Variants in RALYL observed in about 807,000 individuals in gnomAD.
RALYL encodes RALY RNA binding protein like.
RALYL carries 29 observed loss-of-function variants against 35.1 expected under a neutral mutation model. The ratio of observed to expected loss-of-function variants is 0.83; its 90% CI spans 0.61 to 1.13. The LOEUF is 1.13. Ranked by LOEUF, RALYL falls within the 50% of genes most tolerant of loss-of-function variation. RALYL has a pLI of 0.00. For missense variants in RALYL, 359 were observed against 360.4 expected (o/e 1.00, Z 0.03); for synonymous variants, 120 against 127.6 (o/e 0.94, Z 0.40).
At chr8:84,400,357 A>G (rs563294398) in intron 1 of RALYL, among the ~76,000 whole-genome samples, 1 of 152,306 alleles carries the variant, frequency 6.6e-6, no homozygotes, top group African/African-American at 2.4e-5. Context: ...TGTAATGTCA[A>G]CACTCAAAAA....
intron 2 of RALYL, among the ~76,000 whole-genome samples, chr8:84,682,819 G>T (rs28765979): frequency 0.052 from 7,901 of 150,928 alleles, 457 homozygotes; most frequent in African/African-American, 0.14. Context: ...TTTTTGATGG[G>T]TTTTTTTTTG....
chr8:84,194,533 A>G (rs1416209837), intron 1 of RALYL, among the ~76,000 whole-genome samples: 7 of 152,206 alleles, frequency 4.6e-5, no homozygotes, highest in African/African-American at 1.7e-4. Context: ...TCTTTTCAAA[A>G]CCAAGGAAAT....
At chr8:84,801,219 G>T (rs1404525682) in intron 3 of RALYL, among the ~76,000 whole-genome samples, 3 of 152,120 alleles carry the variant, frequency 2.0e-5, no homozygotes, top group African/African-American at 7.2e-5. Context: ...AAGATTTCCT[G>T]CCCTATTATT....
chr8:84,879,191 T>G (rs1841746500), intron 7 of RALYL, among the ~76,000 whole-genome samples: 1 of 152,016 alleles, frequency 6.6e-6, no homozygotes, highest in South Asian at 2.1e-4. Flanking sequence ...GCTCAAAAGC[T>G]CTGGGATAGA....
intron 4 of RALYL, among the ~76,000 whole-genome samples, chr8:84,820,529 T>G (rs1273199592): frequency 1.3e-5 from 2 of 152,162 alleles, no homozygotes; most frequent in African/African-American, 4.8e-5. Context: ...AATTTAGTTT[T>G]GTTTTGTCTT....
At chr8:84,734,845 C>T (rs376998853) in intron 2 of RALYL, among the ~76,000 whole-genome samples, 2 of 151,818 alleles carry the variant, frequency 1.3e-5, no homozygotes, top group East Asian at 3.9e-4. Flanking sequence ...ACCAAAGTAC[C>T]TAGGAATAAA....
intron 1 of RALYL, among the ~76,000 whole-genome samples, chr8:84,297,580 G>A (rs1191435522): frequency 6.6e-6 from 1 of 152,130 alleles, no homozygotes; most frequent in African/African-American, 2.4e-5. Flanking sequence ...CCAATAATGG[G>A]ATTGATAGGT....
chr8:84,715,749 G>A (rs185117809), intron 2 of RALYL, among the ~76,000 whole-genome samples: 117 of 151,980 alleles, frequency 7.7e-4, no homozygotes, highest in Non-Finnish European at 1.3e-3. Flanking sequence ...ATAACCTTTT[G>A]ATTCATTTTC....
chr8:84,291,448 A>G (rs1363114502), intron 1 of RALYL, among the ~76,000 whole-genome samples: 1 of 152,198 alleles, frequency 6.6e-6, no homozygotes, highest in African/African-American at 2.4e-5. Flanking sequence ...AATTCTTTGT[A>G]CAATATATGT....
chr8:84,260,352 C>A (rs1267975309), intron 1 of RALYL, among the ~76,000 whole-genome samples: 1 of 152,056 alleles, frequency 6.6e-6, no homozygotes, highest in East Asian at 1.9e-4. Context: ...GGAACAAGAC[C>A]ACTTAGAGTG....
chr8:84,773,608 TG>T (rs138339386), intron 2 of RALYL, among the ~76,000 whole-genome samples: 35,102 of 152,096 alleles, frequency 0.23, 4,282 homozygotes, highest in Non-Finnish European at 0.25. Context: ...AACCTCTTTT[TG>T]TGTATCCCAG....
At chr8:84,561,844 A>C (rs938353494) in intron 2 of RALYL, among the ~76,000 whole-genome samples, 19 of 152,074 alleles carry the variant, frequency 1.2e-4, no homozygotes, top group African/African-American at 4.6e-4. Flanking sequence ...ACACACAATT[A>C]AAAACTTACG....
intron 1 of RALYL, among the ~76,000 whole-genome samples, chr8:84,264,008 C>A (rs1440226907): frequency 6.6e-6 from 1 of 152,166 alleles, no homozygotes. Context: ...TTTATCCATT[C>A]TATCATTGAT....
At chr8:84,438,635 G>T (rs184411554) in intron 1 of RALYL, among the ~76,000 whole-genome samples, 1 of 151,660 alleles carries the variant, frequency 6.6e-6, no homozygotes, top group Non-Finnish European at 1.5e-5. Context: ...CAAGTGATTC[G>T]CCCACCTTGA....
intron 1 of RALYL, among the ~76,000 whole-genome samples, chr8:84,524,653 T>C (rs898378732): frequency 1.3e-5 from 2 of 152,158 alleles, no homozygotes; most frequent in African/African-American, 4.8e-5. Flanking sequence ...GAGCTGCCTT[T>C]AATTTATAAT....
At chr8:84,823,874 A>C (rs1369354356) in intron 4 of RALYL, among the ~76,000 whole-genome samples, 2 of 152,106 alleles carry the variant, frequency 1.3e-5, no homozygotes, top group Non-Finnish European at 2.9e-5. Flanking sequence ...CAAAATATTA[A>C]GAGGCATCTG....
At chr8:84,311,023 C>T (rs1202737006) in intron 1 of RALYL, among the ~76,000 whole-genome samples, 4 of 102,494 alleles carry the variant, frequency 3.9e-5, no homozygotes, top group African/African-American at 4.2e-5. Context: ...GTCCGCAGTC[C>T]GACCTGGGCG....
chr8:84,269,002 TAA>T (rs956888240), intron 1 of RALYL, among the ~76,000 whole-genome samples: 4 of 152,298 alleles, frequency 2.6e-5, no homozygotes, highest in Admixed American at 2.0e-4. Context: ...ATCTAGAAGA[TAA>T]AAGAGTACTG....
chr8:84,692,660 G>A (rs1212299065), intron 2 of RALYL, among the ~76,000 whole-genome samples: 1 of 152,030 alleles, frequency 6.6e-6, no homozygotes, highest in African/African-American at 2.4e-5. Context: ...TGCAGAAACT[G>A]AAAAGCTAAA....
Sources: gnomAD v4.1 joint callset for allele counts (sites outside exome capture counted in the v4.1 genomes callset) on GRCh38, gnomAD v4.1.1 for gene constraint, MANE v1.5 for transcripts, NCBI Gene and HGNC (gene_info 2026-07-23, HGNC 2026-07-21) for gene names.